The following SCML4 variants were observed in gnomAD, a reference collection of about 807,000 sequenced individuals.
The protein encoded by SCML4 is sex comb on midleg-like protein 4.
SCML4 carries 34 observed loss-of-function variants against 41.1 expected under a neutral mutation model. The observed-to-expected ratio is 0.83, with a 90% CI of 0.63 to 1.10. The LOEUF (loss-of-function observed/expected upper bound fraction) is 1.10. Among genes scored for constraint, SCML4 ranks in the 50% least tolerant of loss-of-function variants. SCML4 has a pLI of 0.00. For missense variants in SCML4, 522 were observed against 534.1 expected, an observed-to-expected ratio of 0.98 and a Z score of 0.22; for synonymous variants, 214 against 220.9, an observed-to-expected ratio of 0.97 and a Z score of 0.28.
In SCML4 at chr6:107,746,803, C is replaced by G. The variant is rs372302614; in HGVS notation, c.373G>C (p.Glu125Gln). ...VQQLPEHFGP[E>Q]RPSAVLQQAV... is the part of the protein sequence containing the mutation. Reference sequence around the variant, plus strand: ...TGCTGCAGCACCGCCGATGGCCGCTCGGGCCCAAAATGCTCCGGGAGCTGC... The same window carrying G: ...TGCTGCAGCACCGCCGATGGCCGCTGGGGCCCAAAATGCTCCGGGAGCTGC... The change falls in exon 4 of 8, where the codon GAG becomes CAG. Residue 125 changes from glutamate (E) to glutamine (Q), a missense_variant. Coordinates refer to ENST00000369020, the MANE Select transcript of SCML4 (RefSeq NM_198081.5). The G allele has an allele frequency of 6.2e-7, 1 of 1,614,098 alleles. No individual in the cohort carries two copies. The highest frequency in any genetic ancestry group is 8.5e-7 in the Non-Finnish European group (1 of 1,179,992).
upstream of SCML4, among the ~76,000 whole-genome samples, chr6:107,824,551 A>C (rs1785176732): frequency 7.1e-6 from 1 of 141,404 alleles, no homozygotes; most frequent in Non-Finnish European, 1.5e-5. Context: ...GCCTAAGAGA[A>C]ATGTGCAGTG....
upstream of SCML4, among the ~76,000 whole-genome samples, chr6:107,827,308 T>A (rs946740742): frequency 1.4e-5 from 2 of 147,448 alleles, no homozygotes; most frequent in Admixed American, 1.4e-4. Context: ...GTTTTTTACT[T>A]AAATGTATAT....
chr6:107,720,965 C>T lies in SCML4; in HGVS notation c.711G>A (p.Leu237=). Residue 237 remains leucine (L), a synonymous_variant, in exon 6 of 8, where the codon CTG becomes CTA. Coordinates refer to ENST00000369020, the MANE Select transcript of SCML4 (RefSeq NM_198081.5). ...AGCGGTTCATGCCCACAGGGTTCAC[C>T]AGGTACTCTTCGGTGGTGACTGTCT... ...SVKTVTTEEY[L]VNPVGMNRYS... The T allele has an allele frequency of 6.2e-7, 1 of 1,612,900 alleles. No homozygotes were observed. Among genetic ancestry groups the T allele is most frequent in the Non-Finnish European group, 8.5e-7 (1 of 1,179,412 alleles).
chr6:107,755,219 G>C (rs985542910), intron 2 of SCML4, among the ~76,000 whole-genome samples: 1 of 152,156 alleles, frequency 6.6e-6, no homozygotes, highest in Non-Finnish European at 1.5e-5. Flanking sequence ...AAATTACAGG[G>C]ATTAGATTAA....
chr6:107,752,793 C>A (rs755010671), intron 2 of SCML4, among the ~76,000 whole-genome samples: 2 of 151,690 alleles, frequency 1.3e-5, no homozygotes, highest in South Asian at 2.1e-4. Context: ...TAATGGCCAG[C>A]GGGGGTGGGG....
chr6:107,815,816 C>T (rs1368374395), intron 1 of SCML4, among the ~76,000 whole-genome samples: 1 of 152,180 alleles, frequency 6.6e-6, no homozygotes, highest in Non-Finnish European at 1.5e-5. Flanking sequence ...GAATTGTAAA[C>T]CAGGTGCTTG....
At chr6:107,712,764 A>G (rs1425355899) in intron 6 of SCML4, among the ~76,000 whole-genome samples, 1 of 152,212 alleles carries the variant, frequency 6.6e-6, no homozygotes, top group Non-Finnish European at 1.5e-5. Context: ...GCTCACAAAA[A>G]TAATAAATAC....
At position 107,737,753 on chromosome 6, in the gene SCML4, GC is replaced by G. The variant is rs142905600; in HGVS notation, c.682+7195del. Among the ~76,000 whole-genome samples the G allele has an allele frequency of 4.0e-3, 606 of 152,244 alleles. 6 individuals carry two copies. In the East Asian group the frequency reaches 0.053, roughly 13 times the overall value. On this transcript the variant is annotated intron_variant, in intron 5 of 7. Transcript: ENST00000369020. ...AGACAATGCAGGCTTGTAATGGTGA[GC>G]CGGGTGGGAGGGAAGAGGAGAATTA...
intron 6 of SCML4, 135 bp downstream of exon 6, chr6:107,720,568 G>T: frequency 4.2e-6 from 6 of 1,429,792 alleles, no homozygotes; most frequent in Non-Finnish European, 5.5e-6. Context: ...TCCATGAAAG[G>T]ACTTGTGGAA....
chr6:107,793,355 G>A (rs1157940501), intron 1 of SCML4, among the ~76,000 whole-genome samples: 1 of 152,166 alleles, frequency 6.6e-6, no homozygotes, highest in African/African-American at 2.4e-5. Flanking sequence ...ACAGCCAGTG[G>A]GTATTTATTC....
At chr6:107,731,473 TTCTC>T (rs138920558) in intron 5 of SCML4, among the ~76,000 whole-genome samples, 4 of 151,588 alleles carry the variant, frequency 2.6e-5, no homozygotes, top group African/African-American at 4.8e-5. Flanking sequence ...CTGTTTGTCT[TTCTC>T]TCTCTCTCTC....
At chr6:107,710,013 T>C (rs1348924896) in intron 6 of SCML4, among the ~76,000 whole-genome samples, 1 of 152,244 alleles carries the variant, frequency 6.6e-6, no homozygotes, top group Admixed American at 6.5e-5. Context: ...CCCGGCTTCC[T>C]ACCCCTTTAT....
intron 5 of SCML4, among the ~76,000 whole-genome samples, chr6:107,742,518 G>A (rs1187997390): frequency 3.3e-5 from 5 of 151,962 alleles, no homozygotes; most frequent in South Asian, 4.2e-4. Context: ...CAAAGTCCAA[G>A]GACAAAGAGA....
At chr6:107,779,117 T>C (rs1328053674) in intron 1 of SCML4, among the ~76,000 whole-genome samples, 3 of 151,862 alleles carry the variant, frequency 2.0e-5, no homozygotes, top group Admixed American at 2.0e-4. Context: ...GAGGCGGAGC[T>C]TGCAGTGAGA....
chr6:107,735,726 G>A (rs996140825), intron 5 of SCML4, among the ~76,000 whole-genome samples: 1 of 151,676 alleles, frequency 6.6e-6, no homozygotes, highest in African/African-American at 2.4e-5. Flanking sequence ...TTGAACCCTG[G>A]AGGTGGAGGT....
chr6:107,777,923 A>G (rs1283810810), intron 1 of SCML4, among the ~76,000 whole-genome samples: 1 of 151,902 alleles, frequency 6.6e-6, no homozygotes, highest in East Asian at 1.9e-4. Context: ...ACATCCAAAT[A>G]TATAAATCAG....
Position 107,704,799 on chromosome 6 carries a change from T to C in SCML4, c.*401A>G. The stretch of plus-strand genomic sequence containing the variant: ...TCCCCAGGTCAGAGTTAGAGGCAGA[T>C]GGTGCTGAGGGGGTTGTCCCTGCAG... On this transcript the variant is annotated 3_prime_UTR_variant, in exon 8 of 8. Transcript: ENST00000369020. 1 of 228,296 alleles carries C rather than the reference T, an allele frequency of 4.4e-6. No individual in the cohort carries two copies. The highest frequency in any genetic ancestry group is 8.5e-6 in the Non-Finnish European group (1 of 118,238). 14.1% of individuals were successfully genotyped at this position (228,296 alleles called of 1,614,324 possible).
chr6:107,737,164 C>G lies in SCML4; in HGVS notation c.682+7785G>C, dbSNP rs552370966. On this transcript the variant is annotated intron_variant, in intron 5 of 7. Coordinates refer to ENST00000369020, the MANE Select transcript of SCML4 (RefSeq NM_198081.5). The stretch of plus-strand genomic sequence containing the variant: ...GCTGGGGACCCCCAGGTCTATCTAG[C>G]AGGAAGAAGAGATCTGGATGCAGAG... 1.3e-3 allele frequency among the ~76,000 whole-genome samples: 194 copies of G among 152,260 alleles called. 1 individual carries two copies. The highest frequency in any genetic ancestry group is 2.2e-3 in the Non-Finnish European group (151 of 68,024).
chr6:107,726,853 C>T (rs1776036633), intron 5 of SCML4, among the ~76,000 whole-genome samples: 1 of 152,156 alleles, frequency 6.6e-6, no homozygotes, highest in South Asian at 2.1e-4. Flanking sequence ...GGTACTTCCT[C>T]AAATGCTTAA....
Sources: allele counts gnomAD v4.1 joint callset (sites outside exome capture counted in the v4.1 genomes callset), GRCh38; gene constraint gnomAD v4.1.1; transcripts MANE v1.5; gene names NCBI Gene and HGNC (gene_info 2026-07-23, HGNC 2026-07-21).